The following CXCL12 variants were observed in gnomAD, a reference collection of about 807,000 sequenced individuals.
CXCL12 encodes the protein stromal cell-derived factor 1.
Under a neutral mutation model 10.7 loss-of-function variants are expected in CXCL12, and 4 were observed. The observed-to-expected ratio is 0.37, with a 90% confidence interval of 0.18 to 0.86. The LOEUF is 0.86. Ranked by LOEUF, CXCL12 falls within the 40% of genes least tolerant of loss-of-function variation. The probability of loss-of-function intolerance (pLI) is 0.43; values close to 1 mark genes in which losing one functional copy is unlikely to be tolerated. For synonymous variants in CXCL12, 54 were observed against 45.4 expected (o/e 1.19, Z -0.77); for missense variants, 122 against 110.4 (o/e 1.10, Z -0.47).
At chr10:44,372,720 G>C, downstream of CXCL12, 1 of 1,427,012 alleles carries the variant, frequency 7.0e-7, no homozygotes, top group Non-Finnish European at 9.1e-7. Flanking sequence ...GGAGGTGCTC[G>C]GGATGAGGGC....
At chr10:44,372,847 T>C, downstream of CXCL12, 2 of 1,516,076 alleles carry the variant, frequency 1.3e-6, no homozygotes, top group African/African-American at 2.8e-5. Flanking sequence ...GAGCCTCCCA[T>C]GTGGCCCTCC....
intron 1 of CXCL12, 100 bp downstream of exon 1, chr10:44,384,845 C>A: frequency 1.7e-6 from 2 of 1,208,560 alleles, no homozygotes; most frequent in African/African-American, 1.6e-5. Context: ...CTGTGTCGGG[C>A]GGCGCAAACT....
downstream of CXCL12, chr10:44,373,452 C>T: frequency 1.0e-6 from 1 of 957,158 alleles, no homozygotes; most frequent in Non-Finnish European, 1.7e-6. Context: ...ATCCCTACTT[C>T]CAAGTTGCCA....
downstream of CXCL12, among the ~76,000 whole-genome samples, chr10:44,375,638 G>A (rs1455662540): frequency 6.6e-6 from 1 of 152,238 alleles, no homozygotes; most frequent in Non-Finnish European, 1.5e-5. Context: ...AGCAACCTGG[G>A]CATTCCTGGA....
intron 2 of CXCL12, among the ~76,000 whole-genome samples, chr10:44,379,031 G>A (rs771211124): frequency 2.8e-4 from 43 of 152,176 alleles, no homozygotes; most frequent in Admixed American, 5.9e-4. Flanking sequence ...GTAAATAAAC[G>A]GGAAGGGAAA....
At position 44,377,809 on chromosome 10, in the gene CXCL12, G is replaced by A. The variant is rs1458010669; in HGVS notation, c.*824C>T. ...GAGGAGGCCAAAGACGGATCTCACA[G>A]AGGGCCCGAGCTGTGGGGCAGGCCC... is the stretch of plus-strand genomic sequence containing the variant. On this transcript the variant is annotated 3_prime_UTR_variant, in exon 3 of 3. Coordinates refer to ENST00000343575, the MANE Select transcript of CXCL12 (RefSeq NM_199168.4). The A allele has an allele frequency of 6.3e-7, 1 of 1,597,618 alleles. No homozygotes were observed. The highest frequency in any genetic ancestry group is 1.3e-5 in the African/African-American group (1 of 74,932).
chr10:44,378,153 T>C lies in CXCL12; in HGVS notation c.*480A>G. 1 of 1,430,872 alleles carries C rather than the reference T, an allele frequency of 7.0e-7. No individual in the cohort carries two copies. Among genetic ancestry groups the C allele is most frequent in the Non-Finnish European group, 9.1e-7 (1 of 1,093,754 alleles). The allele number at this position is 1,430,872 out of a possible 1,614,324, so 88.6% of individuals were successfully genotyped here. A position where few individuals can be genotyped will look rare whatever the true frequency, so the allele number is the denominator to read the frequency against. On this transcript the variant is annotated 3_prime_UTR_variant, in exon 3 of 3. Coordinates refer to ENST00000343575, the MANE Select transcript of CXCL12 (RefSeq NM_199168.4). ...GCGCTGCTGCGGGAGCCTCAGTGTC[T>C]GAAGAAAGGACACTTTTTCCAGCTC...
In CXCL12 at chr10:44,377,849, T is replaced by G; in HGVS notation, c.*784A>C. The G allele has an allele frequency of 6.3e-7, 1 of 1,590,882 alleles. No homozygotes were observed. The highest frequency in any genetic ancestry group is 8.5e-7 in the Non-Finnish European group (1 of 1,176,608). On this transcript the variant is annotated 3_prime_UTR_variant, in exon 3 of 3. Coordinates refer to ENST00000343575, the MANE Select transcript of CXCL12 (RefSeq NM_199168.4). ...GGGGCAGGCCCTGGGAGGAGAGGGA[T>G]GCAGGGCACGAGCCCCAGCAATCAC...
rs866005041 is a variant in CXCL12 at position 44,377,178 on chromosome 10, C to G, written c.*1455G>C. ...TTTATTGCTAGTGCATATAATGTCA[C>G]ATTTGATACAATTTTAGTACAAGTG... On this transcript the variant is annotated 3_prime_UTR_variant, in exon 3 of 3. Transcript: ENST00000343575. 2 of 986,804 alleles carry G rather than the reference C, an allele frequency of 2.0e-6. No individual in the cohort carries two copies. Among genetic ancestry groups the G allele is most frequent in the African/African-American group, 1.7e-5 (1 of 57,234 alleles). The allele number at this position is 986,804 out of a possible 1,614,324, so 61.1% of individuals were successfully genotyped here.
In CXCL12 at chr10:44,377,738, C is replaced by A. The variant is rs1839498135; in HGVS notation, c.*895G>T. On this transcript the variant is annotated 3_prime_UTR_variant, in exon 3 of 3. Transcript: ENST00000343575. ...TAAAGACTTGTCTTTTGCGGGTAAG[C>A]AGGGGGACCATTACACATCCCCAGG... 1.3e-6 allele frequency: 2 copies of A among 1,598,214 alleles called. No individual in the cohort carries two copies. The highest frequency in any genetic ancestry group is 1.7e-6 in the Non-Finnish European group (2 of 1,179,792).
At position 44,385,086 on chromosome 10, in the gene CXCL12, T is replaced by C; in HGVS notation, c.-81A>G. ...AGCGGGCAATGCGGCTGACGGAGAG[T>C]GAAAGTGCGGCGGTGGGAGGCGCGC... On this transcript the variant is annotated 5_prime_UTR_variant, in exon 1 of 3. Transcript: ENST00000343575. 9.0e-7 allele frequency: 1 copy of C among 1,112,412 alleles called. No homozygotes were observed. Among genetic ancestry groups the C allele is most frequent in the Non-Finnish European group, 1.2e-6 (1 of 824,410 alleles). The allele number at this position is 1,112,412 out of a possible 1,614,324, so 68.9% of individuals were successfully genotyped here.
chr10:44,383,129 G>T (rs1839682317), intron 1 of CXCL12, among the ~76,000 whole-genome samples: 1 of 152,242 alleles, frequency 6.6e-6, no homozygotes, highest in African/African-American at 2.4e-5. Context: ...TCAGCCAATG[G>T]GGGAGGGGCA....
rs923407047 is a variant in CXCL12, at chr10:44,378,258, T to C, written c.*375A>G. On this transcript the variant is annotated 3_prime_UTR_variant, in exon 3 of 3. Coordinates refer to ENST00000343575, the MANE Select transcript of CXCL12 (RefSeq NM_199168.4). ...GCTCCAAACAAGCCAAATTCAGATC[T>C]TGAAGTACTCGTTGATTTAAAAAAT... 9 of 1,465,566 alleles carry C rather than the reference T, an allele frequency of 6.1e-6. No homozygotes were observed. Among genetic ancestry groups the C allele is most frequent in the Admixed American group, 3.7e-5 (2 of 54,034 alleles). The allele number at this position is 1,465,566 out of a possible 1,614,324, so 90.8% of individuals were successfully genotyped here. A position where few individuals can be genotyped will look rare whatever the true frequency, so the allele number is the denominator to read the frequency against.
chr10:44,372,255 T>C (rs1839332339), downstream of CXCL12: 1 of 152,714 alleles, frequency 6.5e-6, no homozygotes, highest in Admixed American at 6.5e-5. Flanking sequence ...GGAGCACTGA[T>C]GGGGCAGCAA....
chr10:44,375,974 T>G (rs748454855), downstream of CXCL12: 23 of 1,613,518 alleles, frequency 1.4e-5, no homozygotes, highest in Non-Finnish European at 1.5e-5. Flanking sequence ...TTTCTCTTCT[T>G]CTGTCGCTTC....
chr10:44,376,318 T>C (rs1839448221), downstream of CXCL12, among the ~76,000 whole-genome samples: 1 of 152,254 alleles, frequency 6.6e-6, no homozygotes, highest in South Asian at 2.1e-4. Context: ...GGACAAGGAA[T>C]CCACATCTCA....
downstream of CXCL12, chr10:44,377,022 G>T: frequency 1.1e-6 from 1 of 902,672 alleles, no homozygotes; most frequent in Non-Finnish European, 1.3e-6. Context: ...TCAGACACCT[G>T]ACTGCAGGCA....
exon 4 of CXCL12, chr10:44,370,611 A>T (rs1039377910): frequency 5.9e-5 from 9 of 152,260 alleles, no homozygotes; most frequent in African/African-American, 1.4e-4. Flanking sequence ...AAAGGCGATC[A>T]ACTCCCAGTC....
downstream of CXCL12, chr10:44,373,005 G>A: frequency 6.5e-7 from 1 of 1,536,060 alleles, no homozygotes; most frequent in African/African-American, 1.4e-5. Flanking sequence ...CACCTGCACA[G>A]CTCAGAGAAT....
Sources: allele counts gnomAD v4.1 joint callset (sites outside exome capture counted in the v4.1 genomes callset), GRCh38; gene constraint gnomAD v4.1.1; transcripts MANE v1.5; gene names NCBI Gene and HGNC (gene_info 2026-07-23, HGNC 2026-07-21).